The following SLC35G1 variants were observed in gnomAD, a reference collection of about 807,000 sequenced individuals.
SLC35G1 encodes partner of STIM1.
SLC35G1 carries 10 observed loss-of-function variants against 17.1 expected under a neutral mutation model. That is an observed-to-expected ratio of 0.59 (90% CI 0.36 to 0.99). SLC35G1 has a LOEUF of 0.99. Ranked by LOEUF, SLC35G1 falls within the 50% of genes least tolerant of loss-of-function variation. The pLI is 0.01. For missense variants in SLC35G1, 433 were observed against 468.4 expected, an observed-to-expected ratio of 0.92 and a Z score of 0.70; for synonymous variants, 185 against 181.1, an observed-to-expected ratio of 1.02 and a Z score of -0.18.
rs1396265697 is a variant in SLC35G1 at position 93,901,067 on chromosome 10, A to G, written c.675A>G (p.Thr225=). The change falls in exon 3 of 3, where the codon ACA becomes ACG. Residue 225 remains threonine (T), a synonymous_variant. Transcript: ENST00000427197. ...EESYSGHLKG[T]FAAIGSAVFA... is the part of the protein sequence containing the mutation. ...GCTATTCAGGCCACCTTAAGGGAAC[A>G]TTCGCAGCAATTGGAAGTGCCGTAT... The G allele has an allele frequency of 2.5e-6, 4 of 1,614,034 alleles. No homozygotes were observed. The highest frequency in any genetic ancestry group is 3.4e-6 in the Non-Finnish European group (4 of 1,180,000).
Position 93,902,990 on chromosome 10 carries a change from A to G in SLC35G1, c.*1500A>G, listed in dbSNP as rs1406622451. The G allele has an allele frequency of 6.6e-6, 1 of 152,182 alleles. No homozygotes were observed. The highest frequency in any genetic ancestry group is 1.5e-5 in the Non-Finnish European group (1 of 68,028). The allele number at this position is 152,182 out of a possible 1,614,324, so 9.4% of individuals were successfully genotyped here. On this transcript the variant is annotated 3_prime_UTR_variant, in exon 3 of 3. Transcript: ENST00000427197. ...TTCCAGCTCTTACTGTGTCAGATGA[A>G]GCATCTGTCATTATCTTAAGCCTGC...
At chr10:93,898,353 C>T (rs549626156) in intron 1 of SLC35G1, among the ~76,000 whole-genome samples, 11 of 152,202 alleles carry the variant, frequency 7.2e-5, no homozygotes, top group Non-Finnish European at 1.3e-4. Flanking sequence ...TTTGATAGGG[C>T]GAAACGGCAT....
At chr10:93,898,455 A>G in intron 1 of SLC35G1, 116 bp from the exon 2 acceptor site, 3 of 884,436 alleles carry the variant, frequency 3.4e-6, no homozygotes, top group Middle Eastern at 4.5e-4. Context: ...TGATATGCTT[A>G]GGAGGTAATA....
In SLC35G1 at chr10:93,900,889, G is replaced by A; in HGVS notation, c.497G>A (p.Ser166Asn). Residue 166 changes from serine (S) to asparagine (N), a missense_variant, in exon 3 of 3, where the codon AGT becomes AAT. Coordinates refer to ENST00000427197, the MANE Select transcript of SLC35G1 (RefSeq NM_001134658.3). ...LADATVITFS[S>N]PVFTSIFAWI... The stretch of plus-strand genomic sequence containing the variant: ...GATGCCACAGTTATCACGTTTAGCA[G>A]TCCAGTGTTTACGTCCATATTTGCT... 1 of 1,614,034 alleles carries A rather than the reference G, an allele frequency of 6.2e-7. No individual in the cohort carries two copies. The highest frequency in any genetic ancestry group is 8.5e-7 in the Non-Finnish European group (1 of 1,179,968).
intron 1 of SLC35G1, among the ~76,000 whole-genome samples, chr10:93,896,318 A>G (rs2060329488): frequency 6.6e-6 from 1 of 152,218 alleles, no homozygotes; most frequent in African/African-American, 2.4e-5. Flanking sequence ...AGTGTTACTC[A>G]GGTGATTCTA....
At chr10:93,904,938 A>G (rs2060419024), downstream of SLC35G1, among the ~76,000 whole-genome samples, 1 of 152,182 alleles carries the variant, frequency 6.6e-6, no homozygotes, top group African/African-American at 2.4e-5. Context: ...ATCAGAATGC[A>G]AACTCCATTC....
downstream of SLC35G1, among the ~76,000 whole-genome samples, chr10:93,904,621 C>G (rs992185251): frequency 3.9e-5 from 6 of 152,184 alleles, no homozygotes; most frequent in African/African-American, 1.4e-4. Context: ...CTTCTCCTAC[C>G]CACATAATCC....
chr10:93,906,939 C>T (rs910642786), downstream of SLC35G1, among the ~76,000 whole-genome samples: 1 of 152,102 alleles, frequency 6.6e-6, no homozygotes, highest in Non-Finnish European at 1.5e-5. Flanking sequence ...ATTGCAACAG[C>T]TTGAATGCAG....
chr10:93,898,493 A>AT, intron 1 of SLC35G1, 78 bp from the exon 2 acceptor site: 1 of 1,446,280 alleles, frequency 6.9e-7, no homozygotes, highest in South Asian at 1.4e-5. Context: ...ACACTGTTCC[A>AT]TTTTTCTCAG....
At chr10:93,898,204 C>T (rs551286353) in intron 1 of SLC35G1, among the ~76,000 whole-genome samples, 4 of 152,290 alleles carry the variant, frequency 2.6e-5, no homozygotes, top group African/African-American at 7.2e-5. Context: ...TGAGGTGTGG[C>T]GTAAGATATC....
chr10:93,900,189 G>T (rs2060369650), intron 2 of SLC35G1, among the ~76,000 whole-genome samples: 1 of 152,100 alleles, frequency 6.6e-6, no homozygotes. Flanking sequence ...ATGAAAACTT[G>T]TCTCATATTC....
At chr10:93,900,047 T>C (rs967083475) in intron 2 of SLC35G1, among the ~76,000 whole-genome samples, 7 of 152,178 alleles carry the variant, frequency 4.6e-5, no homozygotes, top group African/African-American at 1.7e-4. Context: ...AAGTTGCACC[T>C]AGCCAGGAAC....
At chr10:93,895,790 G>C (rs560630474) in intron 1 of SLC35G1, among the ~76,000 whole-genome samples, 34 of 152,124 alleles carry the variant, frequency 2.2e-4, no homozygotes, top group Non-Finnish European at 4.4e-4. Context: ...GACACATACA[G>C]CTGTCCCAAG....
At chr10:93,906,351 T>C (rs898994885), downstream of SLC35G1, 2 of 152,244 alleles carry the variant, frequency 1.3e-5, no homozygotes, top group Non-Finnish European at 2.9e-5. Context: ...CCATCTGCAC[T>C]ACCAGCTGAT....
chr10:93,898,889 A>G (rs1032823374), intron 2 of SLC35G1, 138 bp downstream of exon 2: 6 of 797,848 alleles, frequency 7.5e-6, no homozygotes, highest in African/African-American at 3.5e-5. Context: ...GCTTAATGAA[A>G]AGTCATAAGC....
rs577214219 is a variant in SLC35G1 at position 93,896,328 on chromosome 10, A to G, written c.178+2117A>G. 2.0e-5 allele frequency among the ~76,000 whole-genome samples: 3 copies of G among 152,284 alleles called. No homozygotes were observed. The South Asian group carries it at 6.2e-4, about 32-fold the overall frequency. The stretch of plus-strand genomic sequence containing the variant: ...TTTTAAGTGTTACTCAGGTGATTCT[A>G]ATTCCCAACCAGGATTGCGAATCAC... On this transcript the variant is annotated intron_variant, in intron 1 of 2. Coordinates refer to ENST00000427197, the MANE Select transcript of SLC35G1 (RefSeq NM_001134658.3).
chr10:93,901,476 C>G lies in SLC35G1; in HGVS notation c.1084C>G (p.Gln362Glu). 2 of 1,587,950 alleles carry G rather than the reference C, an allele frequency of 1.3e-6. No individual in the cohort carries two copies. The highest frequency in any genetic ancestry group is 1.2e-5 in the South Asian group (1 of 86,248). The change falls in exon 3 of 3, where the codon CAA becomes GAA. Residue 362 changes from glutamine (Q) to glutamate (E), a missense_variant. By Grantham distance (29) the Gln-to-Glu change is conservative. Coordinates refer to ENST00000427197, the MANE Select transcript of SLC35G1 (RefSeq NM_001134658.3). ...TGGAGCGGCCATTCGTAAATGGTAC[C>G]AAAGTTCCAAATGAAGCATCATTGC... ...NVGAAIRKWY[Q>E]SSK
At chr10:93,898,820 A>G in intron 2 of SLC35G1, 69 bp downstream of exon 2, 3 of 1,431,492 alleles carry the variant, frequency 2.1e-6, no homozygotes, top group Non-Finnish European at 2.8e-6. Flanking sequence ...CCTGCCTATA[A>G]TTACTCTATC....
rs766922747 is a variant in SLC35G1 at position 93,898,621 on chromosome 10, T to G, written c.229T>G (p.Leu77Val). Residue 77 changes from leucine to valine, a missense_variant, in exon 2 of 3, where the codon TTG becomes GTG. By Grantham distance (32) the Leu-to-Val change is conservative. Transcript: ENST00000427197. ...TGGACTTGGCTTGTTTTACACATTA[T>G]TGTCTGCCTTCCTTTTCTCAGTGGG... ...CPGLGLFYTL[L>V]SAFLFSVGSL... The G allele has an allele frequency of 9.3e-6, 15 of 1,613,386 alleles. No homozygotes were observed. The highest frequency in any genetic ancestry group is 1.3e-5 in the Non-Finnish European group (15 of 1,179,802).
Sources: allele counts gnomAD v4.1 joint callset (sites outside exome capture counted in the v4.1 genomes callset), GRCh38; gene constraint gnomAD v4.1.1; transcripts MANE v1.5; gene names NCBI Gene and HGNC (gene_info 2026-07-23, HGNC 2026-07-21).